Variants in HIBADH observed in about 807,000 individuals in gnomAD.
HIBADH encodes 3-hydroxyisobutyrate dehydrogenase.
A neutral mutation model predicts 36.1 loss-of-function variants in HIBADH; 25 were observed. The ratio of observed to expected loss-of-function variants is 0.69; its 90% CI spans 0.50 to 0.97. HIBADH has a LOEUF of 0.97. Ranked by LOEUF, HIBADH falls within the 50% of genes least tolerant of loss-of-function variation. The pLI, the probability that HIBADH is intolerant of heterozygous loss-of-function variation, is 0.00. For synonymous variants in HIBADH, 160 were observed against 149.5 expected (o/e 1.07, Z -0.51); for missense variants, 421 against 418.0 (o/e 1.01, Z -0.06).
At chr7:27,553,556 G>A (rs1363815560) in intron 4 of HIBADH, among the ~76,000 whole-genome samples, 3 of 152,206 alleles carry the variant, frequency 2.0e-5, no homozygotes, top group Admixed American at 6.5e-5. Context: ...GCTTGAGGAG[G>A]ACTGATGCAG....
Position 27,546,245 on chromosome 7 carries a change from G to A in HIBADH, c.485-3145C>T, listed in dbSNP as rs115448205. On this transcript the variant is annotated intron_variant, in intron 4 of 7. Transcript: ENST00000265395. Reference sequence around the variant, plus strand: ...AGCCTTTCGAGTAGCTCGGACTACAGGCATGTGCCACTGTGCCTGGCTATT... The same window carrying A: ...AGCCTTTCGAGTAGCTCGGACTACAAGCATGTGCCACTGTGCCTGGCTATT... Among the ~76,000 whole-genome samples, 1,335 of 152,198 alleles carry A rather than the reference G, an allele frequency of 8.8e-3. 24 individuals carry two copies. The highest frequency in any genetic ancestry group is 0.031 in the African/African-American group (1,275 of 41,494).
intron 6 of HIBADH, among the ~76,000 whole-genome samples, chr7:27,533,861 TATG>T (rs1784035399): frequency 1.3e-5 from 2 of 152,206 alleles, no homozygotes. Flanking sequence ...GCTGGGAACA[TATG>T]ATACTTTCTG....
intron 4 of HIBADH, among the ~76,000 whole-genome samples, chr7:27,600,608 T>G (rs1785114489): frequency 6.6e-6 from 1 of 152,054 alleles, no homozygotes; most frequent in Non-Finnish European, 1.5e-5. Flanking sequence ...TTCGAAACCT[T>G]TCCTTTCACA....
At chr7:27,591,509 C>A in intron 4 of HIBADH, among the ~76,000 whole-genome samples, 1 of 151,288 alleles carries the variant, frequency 6.6e-6, no homozygotes, top group Non-Finnish European at 1.5e-5. Flanking sequence ...CGAAATCACA[C>A]CACTGCACTC....
chr7:27,609,461 G>A (rs1280223498), intron 4 of HIBADH, among the ~76,000 whole-genome samples: 2 of 152,038 alleles, frequency 1.3e-5, no homozygotes, highest in African/African-American at 4.8e-5. Context: ...AAAATCCCAG[G>A]CTAAAGATAT....
At chr7:27,587,197 A>G (rs1583583361) in intron 4 of HIBADH, among the ~76,000 whole-genome samples, 1 of 152,106 alleles carries the variant, frequency 6.6e-6, no homozygotes, top group African/African-American at 2.4e-5. Context: ...TTGCTTTGCT[A>G]CCTCCTTGTA....
intron 4 of HIBADH, among the ~76,000 whole-genome samples, chr7:27,590,671 C>T (rs1442974307): frequency 6.6e-6 from 1 of 152,220 alleles, no homozygotes; most frequent in Non-Finnish European, 1.5e-5. Flanking sequence ...TACACCTCAG[C>T]TGTAAAGCAT....
chr7:27,594,076 A>G (rs1190405805), intron 4 of HIBADH, among the ~76,000 whole-genome samples: 3 of 150,828 alleles, frequency 2.0e-5, no homozygotes, highest in African/African-American at 7.3e-5. Flanking sequence ...ACCAGCAACA[A>G]CAAAGATAAA....
At position 27,586,168 on chromosome 7, in the gene HIBADH, T is replaced by C. The variant is rs562830894; in HGVS notation, c.485-43068A>G. Among the ~76,000 whole-genome samples, 205 of 152,328 alleles carry C rather than the reference T, an allele frequency of 1.3e-3. 1 individual carries two copies. The highest frequency in any genetic ancestry group is 2.4e-3 in the Non-Finnish European group (161 of 68,028). Reference sequence around the variant, plus strand: ...TCACCAATTTCTACAAAAGCAAATATGCCCTTGTTGCAAATATGCAAAAAC... The same window carrying C: ...TCACCAATTTCTACAAAAGCAAATACGCCCTTGTTGCAAATATGCAAAAAC... On this transcript the variant is annotated intron_variant, in intron 4 of 7. Transcript: ENST00000265395.
chr7:27,659,239 A>G (rs1023675232), intron 1 of HIBADH, among the ~76,000 whole-genome samples: 7 of 152,234 alleles, frequency 4.6e-5, no homozygotes, highest in African/African-American at 1.2e-4. Flanking sequence ...TAGAGTCACA[A>G]CGTGACATTT....
At chr7:27,591,848 C>A (rs1488004388) in intron 4 of HIBADH, among the ~76,000 whole-genome samples, 1 of 152,140 alleles carries the variant, frequency 6.6e-6, no homozygotes, top group Non-Finnish European at 1.5e-5. Context: ...TCATGCTAGC[C>A]TTTTATATCC....
rs1189644747 is a variant in HIBADH, at chr7:27,649,736, A to G, written c.92-103T>C. ...ATTGTTAGATTTTTTTTTTTTAATA[A>G]AAGAAACTTTCAGGAACCAGGTGCA... is the stretch of plus-strand genomic sequence containing the variant. On this transcript the variant is annotated intron_variant, in intron 1 of 7. Coordinates refer to ENST00000265395, the MANE Select transcript of HIBADH (RefSeq NM_152740.4). 7 of 1,153,538 alleles carry G rather than the reference A, an allele frequency of 6.1e-6. No homozygotes were observed. In the African/African-American group the frequency reaches 7.9e-5, roughly 13 times the overall value. The allele number at this position is 1,153,538 out of a possible 1,614,324, so 71.5% of individuals were successfully genotyped here.
Position 27,649,579 on chromosome 7 carries a change from T to C in HIBADH, c.146A>G (p.Asn49Ser). 6.2e-7 allele frequency: 1 copy of C among 1,613,996 alleles called. No individual in the cohort carries two copies. The highest frequency in any genetic ancestry group is 1.1e-5 in the South Asian group (1 of 91,066). ...ATTTTTTGCCATTGGATTCCCCATG[T>C]TGCCCAGTCCAATGAATCCAACTGG... ...KTPVGFIGLG[N>S]MGNPMAKNLM... Residue 49 changes from asparagine (N) to serine (S), a missense_variant, in exon 2 of 8, where the codon AAC becomes AGC. Asn to Ser is a conservative substitution (Grantham distance 46). Transcript: ENST00000265395.
At chr7:27,629,344 T>C in intron 4 of HIBADH, 27 bp downstream of exon 4, 1 of 1,603,084 alleles carries the variant, frequency 6.2e-7, no homozygotes, top group Non-Finnish European at 8.5e-7. Context: ...CATAAATAGG[T>C]TTGCATATAT....
chr7:27,573,914 T>A (rs1784665139), intron 4 of HIBADH, among the ~76,000 whole-genome samples: 1 of 152,244 alleles, frequency 6.6e-6, no homozygotes, highest in African/African-American at 2.4e-5. Context: ...TATCCTCACC[T>A]GTGTTTCTTA....
At chr7:27,590,760 T>C (rs1784927290) in intron 4 of HIBADH, among the ~76,000 whole-genome samples, 1 of 152,236 alleles carries the variant, frequency 6.6e-6, no homozygotes, top group Non-Finnish European at 1.5e-5. Context: ...TATCACTTTC[T>C]TCAAAGTTTG....
intron 2 of HIBADH, among the ~76,000 whole-genome samples, chr7:27,646,852 C>T (rs144015827): frequency 5.7e-4 from 86 of 152,036 alleles, no homozygotes; most frequent in African/African-American, 2.0e-3. Context: ...CACGCCACCG[C>T]GCCTGGCTAA....
chr7:27,614,766 CACTTT>C (rs771075707), intron 4 of HIBADH, among the ~76,000 whole-genome samples: 6 of 152,328 alleles, frequency 3.9e-5, no homozygotes, highest in Admixed American at 2.6e-4. Context: ...GTCAAGGTAT[CACTTT>C]ACTTTTCTTT....
intron 4 of HIBADH, among the ~76,000 whole-genome samples, chr7:27,609,309 G>A (rs1785284945): frequency 6.6e-6 from 1 of 152,124 alleles, no homozygotes; most frequent in African/African-American, 2.4e-5. Flanking sequence ...TACTGTCTAT[G>A]ACAACTGTTG....
Sources: allele counts gnomAD v4.1 joint callset (sites outside exome capture counted in the v4.1 genomes callset), GRCh38; gene constraint gnomAD v4.1.1; transcripts MANE v1.5; gene names NCBI Gene and HGNC (gene_info 2026-07-23, HGNC 2026-07-21).